The following PTPRT variants were observed in gnomAD, a reference collection of about 807,000 sequenced individuals.
PTPRT encodes the protein receptor-type tyrosine-protein phosphatase T.
PTPRT carries 56 observed loss-of-function variants against 176.8 expected under a neutral mutation model. The ratio of observed to expected loss-of-function variants is 0.32; its 90% CI spans 0.26 to 0.40. The LOEUF is 0.40. Among genes scored for constraint, PTPRT ranks in the 10% least tolerant of loss-of-function variants. The probability of loss-of-function intolerance (pLI) is 1.00; values close to 1 mark genes in which losing one functional copy is unlikely to be tolerated. For missense variants in PTPRT, 1,540 were observed against 1,908.2 expected (o/e 0.81, Z 3.60); for synonymous variants, 783 against 739.0 (o/e 1.06, Z -0.96).
At chr20:43,028,457 C>A (rs1379384910) in intron 1 of PTPRT, among the ~76,000 whole-genome samples, 3 of 152,154 alleles carry the variant, frequency 2.0e-5, no homozygotes, top group African/African-American at 7.2e-5. Flanking sequence ...TAGAAGCCTC[C>A]AATATCCTGC....
At chr20:42,268,117 C>T (rs111706012) in intron 13 of PTPRT, among the ~76,000 whole-genome samples, 11 of 152,182 alleles carry the variant, frequency 7.2e-5, no homozygotes, top group African/African-American at 2.6e-4. Flanking sequence ...TCTAATATCC[C>T]CATCACTCAG....
At chr20:42,345,481 TATAG>T (rs1407998295) in intron 11 of PTPRT, among the ~76,000 whole-genome samples, 9 of 148,686 alleles carry the variant, frequency 6.1e-5, no homozygotes, top group African/African-American at 2.2e-4. Flanking sequence ...AACTAGTTAC[TATAG>T]ATATACACAT....
intron 1 of PTPRT, among the ~76,000 whole-genome samples, chr20:42,906,968 A>G (rs1043585917): frequency 1.3e-5 from 2 of 152,172 alleles, no homozygotes; most frequent in Non-Finnish European, 2.9e-5. Flanking sequence ...CGCATCTAAC[A>G]AAGAGCACAC....
chr20:43,122,040 A>G (rs1264776364), intron 1 of PTPRT, among the ~76,000 whole-genome samples: 1 of 152,182 alleles, frequency 6.6e-6, no homozygotes, highest in Admixed American at 6.5e-5. Flanking sequence ...TCAGCATTAT[A>G]GGATTCTAGT....
intron 11 of PTPRT, among the ~76,000 whole-genome samples, chr20:42,335,011 G>A (rs1205881188): frequency 6.6e-6 from 1 of 152,190 alleles, no homozygotes; most frequent in Non-Finnish European, 1.5e-5. Context: ...GCAGTTTTAA[G>A]AAAATTCTGG....
At chr20:42,949,147 C>T (rs1204233187) in intron 1 of PTPRT, among the ~76,000 whole-genome samples, 1 of 152,230 alleles carries the variant, frequency 6.6e-6, no homozygotes, top group Non-Finnish European at 1.5e-5. Context: ...AAGATGTCTG[C>T]CATCAATTCT....
chr20:42,754,229 A>G (rs186906903), intron 6 of PTPRT, among the ~76,000 whole-genome samples: 174 of 152,298 alleles, frequency 1.1e-3, no homozygotes, highest in African/African-American at 4.0e-3. Context: ...TCAGCCGCCC[A>G]GGCTGGATTG....
chr20:43,150,604 G>A (rs1165625015), intron 1 of PTPRT, among the ~76,000 whole-genome samples: 4 of 152,096 alleles, frequency 2.6e-5, no homozygotes, highest in African/African-American at 9.7e-5. Flanking sequence ...CAACAGGCAC[G>A]TGTCACCATG....
chr20:42,212,551 G>C (rs1025720306), intron 15 of PTPRT, among the ~76,000 whole-genome samples: 3 of 152,072 alleles, frequency 2.0e-5, no homozygotes, highest in African/African-American at 7.2e-5. Flanking sequence ...TGGCTTTGGT[G>C]CCAGACAGCC....
At chr20:42,145,405 CAGA>C (rs1988815883) in intron 17 of PTPRT, among the ~76,000 whole-genome samples, 6 of 152,072 alleles carry the variant, frequency 3.9e-5, no homozygotes, top group Non-Finnish European at 8.8e-5. Flanking sequence ...GAAGCTGAGG[CAGA>C]AGAATTGCTT....
rs1035967191 is a variant in PTPRT, at chr20:43,053,892, T to C, written c.88+135754A>G. ...GGAGGAAGAAGTTAATACATATTTC[T>C]AAGAAATTAATACATATTTCTCAAT... On this transcript the variant is annotated intron_variant, in intron 1 of 30. Transcript: ENST00000373187. Among the ~76,000 whole-genome samples the C allele has an allele frequency of 2.0e-5, 3 of 152,346 alleles. No individual in the cohort carries two copies. In the East Asian group the frequency reaches 5.8e-4, roughly 29 times the overall value.
At chr20:42,340,355 C>G (rs948867581) in intron 11 of PTPRT, among the ~76,000 whole-genome samples, 4 of 152,146 alleles carry the variant, frequency 2.6e-5, no homozygotes, top group Non-Finnish European at 4.4e-5. Flanking sequence ...AAGCCTATAC[C>G]TAAGTGGAAA....
intron 9 of PTPRT, among the ~76,000 whole-genome samples, chr20:42,356,743 C>G: frequency 6.6e-6 from 1 of 152,176 alleles, no homozygotes; most frequent in South Asian, 2.1e-4. Flanking sequence ...AAGAGCAATG[C>G]TTTCCCAGAG....
At chr20:42,807,496 G>T (rs1402975411) in intron 2 of PTPRT, among the ~76,000 whole-genome samples, 1 of 152,026 alleles carries the variant, frequency 6.6e-6, no homozygotes, top group African/African-American at 2.4e-5. Flanking sequence ...TGCTCTCTGT[G>T]GCACTGTCTC....
intron 9 of PTPRT, among the ~76,000 whole-genome samples, chr20:42,439,548 G>A (rs1345582559): frequency 6.6e-6 from 1 of 152,172 alleles, no homozygotes; most frequent in Non-Finnish European, 1.5e-5. Context: ...TGAGTGAGTT[G>A]GCTGTAGCGT....
downstream of PTPRT, among the ~76,000 whole-genome samples, chr20:42,069,223 T>C (rs922774973): frequency 1.3e-5 from 2 of 152,216 alleles, no homozygotes; most frequent in African/African-American, 4.8e-5. Flanking sequence ...ACTGAATTGT[T>C]CTATGGCATG....
intron 21 of PTPRT, chr20:42,116,188 A>G: frequency 1.5e-6 from 1 of 688,004 alleles, no homozygotes; most frequent in African/African-American, 1.8e-5. Context: ...TGTATTACAC[A>G]GTTAAATAGG....
chr20:42,990,550 C>T (rs376636304), intron 1 of PTPRT, among the ~76,000 whole-genome samples: 4 of 152,144 alleles, frequency 2.6e-5, no homozygotes, highest in African/African-American at 7.2e-5. Flanking sequence ...ATACACCCTA[C>T]GACCTAGGTT....
the PTPRT span, among the ~76,000 whole-genome samples, chr20:42,040,108 C>G: frequency 6.6e-6 from 1 of 151,942 alleles, no homozygotes; most frequent in Non-Finnish European, 1.5e-5. Flanking sequence ...CATTTTTTAT[C>G]TCTTGTCTTG....
Sources: gnomAD v4.1 joint callset for allele counts (sites outside exome capture counted in the v4.1 genomes callset) on GRCh38, gnomAD v4.1.1 for gene constraint, MANE v1.5 for transcripts, NCBI Gene and HGNC (gene_info 2026-07-23, HGNC 2026-07-21) for gene names.